Variants in UMAD1 observed in about 807,000 individuals in gnomAD.
The protein encoded by UMAD1 is UBAP1-MVB12-associated (UMA)-domain containing protein 1.
In UMAD1, 8 loss-of-function variants were observed where a neutral mutation model predicts 6.1. The observed-to-expected ratio is 1.30, with a 90% CI of 0.76 to 2.35. The LOEUF is 2.35. Ranked by LOEUF, UMAD1 falls within the 30% of genes most tolerant of loss-of-function variation. The pLI, the probability that UMAD1 is intolerant of heterozygous loss-of-function variation, is 0.00. For synonymous variants in UMAD1, 56 were observed against 31.4 expected, an observed-to-expected ratio of 1.78 and a Z score of -2.61; for missense variants, 130 against 78.4, an observed-to-expected ratio of 1.66 and a Z score of -2.49.
At chr7:7,805,728 C>G in intron 3 of UMAD1, among the ~76,000 whole-genome samples, 1 of 152,152 alleles carries the variant, frequency 6.6e-6, no homozygotes, top group East Asian at 1.9e-4. Context: ...AAGCCCTTTC[C>G]TATCTCAGGC....
At chr7:7,844,838 A>G (rs561736006) in intron 3 of UMAD1, among the ~76,000 whole-genome samples, 5 of 152,294 alleles carry the variant, frequency 3.3e-5, no homozygotes, top group Admixed American at 2.0e-4. Context: ...CCCTTAATTT[A>G]CTGTTTACAG....
At chr7:7,657,628 G>T (rs1785374649) in intron 1 of UMAD1, among the ~76,000 whole-genome samples, 1 of 152,060 alleles carries the variant, frequency 6.6e-6, no homozygotes. Flanking sequence ...TTGTAGATGT[G>T]TGGTATTATT....
At chr7:7,735,185 T>C (rs1193153549) in intron 2 of UMAD1, among the ~76,000 whole-genome samples, 2 of 152,182 alleles carry the variant, frequency 1.3e-5, no homozygotes, top group African/African-American at 4.8e-5. Context: ...AAAGTTGACA[T>C]TGGTAACACA....
chr7:7,861,231 A>C (rs1278355168), intron 3 of UMAD1, among the ~76,000 whole-genome samples: 1 of 152,226 alleles, frequency 6.6e-6, no homozygotes, highest in African/African-American at 2.4e-5. Flanking sequence ...AAAATGGTTA[A>C]GATGGTAAAT....
At chr7:7,658,742 T>C (rs1052489370) in intron 1 of UMAD1, among the ~76,000 whole-genome samples, 3 of 152,236 alleles carry the variant, frequency 2.0e-5, no homozygotes, top group African/African-American at 7.2e-5. Context: ...TTTGCATCGA[T>C]ATTCATCAGG....
intron 2 of UMAD1, among the ~76,000 whole-genome samples, chr7:7,714,492 A>G (rs895081887): frequency 6.6e-6 from 1 of 152,258 alleles, no homozygotes; most frequent in Non-Finnish European, 1.5e-5. Context: ...TGCTTTAGAA[A>G]TAATCTATAT....
At chr7:7,784,599 C>T (rs1013382860) in intron 2 of UMAD1, among the ~76,000 whole-genome samples, 9 of 151,814 alleles carry the variant, frequency 5.9e-5, no homozygotes, top group Non-Finnish European at 1.3e-4. Context: ...CCCTCCTCGG[C>T]GTCCCAGAGT....
intron 2 of UMAD1, among the ~76,000 whole-genome samples, chr7:7,694,312 A>T (rs1252116497): frequency 6.6e-6 from 1 of 152,184 alleles, no homozygotes; most frequent in Non-Finnish European, 1.5e-5. Context: ...ATACACATAT[A>T]ATAATCACAT....
At chr7:7,750,794 C>G (rs956037233) in intron 2 of UMAD1, among the ~76,000 whole-genome samples, 2 of 152,180 alleles carry the variant, frequency 1.3e-5, no homozygotes, top group Non-Finnish European at 2.9e-5. Context: ...GTCAGTTTGG[C>G]TGCAGAGTGC....
At chr7:7,644,759 T>A (rs2115544348) in intron 1 of UMAD1, among the ~76,000 whole-genome samples, 1 of 152,328 alleles carries the variant, frequency 6.6e-6, no homozygotes, top group South Asian at 2.1e-4. Flanking sequence ...TTATCATAAC[T>A]TTTGATGTCT....
chr7:7,683,989 C>T (rs1049035174), intron 2 of UMAD1, among the ~76,000 whole-genome samples: 5 of 152,122 alleles, frequency 3.3e-5, no homozygotes, highest in African/African-American at 9.7e-5. Flanking sequence ...GTTCCAAGAC[C>T]CCCGCTCATA....
intron 2 of UMAD1, 102 bp from the exon 3 acceptor site, chr7:7,801,568 G>T: frequency 3.2e-6 from 2 of 629,226 alleles, no homozygotes; most frequent in Non-Finnish European, 5.8e-6. Flanking sequence ...CTTCCATGAT[G>T]TGAAACATAT....
intron 2 of UMAD1, among the ~76,000 whole-genome samples, chr7:7,798,471 C>T (rs1397486219): frequency 1.3e-5 from 2 of 152,088 alleles, no homozygotes; most frequent in East Asian, 3.8e-4. Flanking sequence ...TTTGAAGGAG[C>T]AGAAGGAAGA....
chr7:7,875,056 G>A (rs980164983), intron 3 of UMAD1, among the ~76,000 whole-genome samples: 4 of 152,162 alleles, frequency 2.6e-5, no homozygotes, highest in Non-Finnish European at 5.9e-5. Flanking sequence ...TTACAGGCGT[G>A]AGCCACCGTG....
At chr7:7,814,466 C>T (rs972925876) in intron 3 of UMAD1, among the ~76,000 whole-genome samples, 2 of 152,048 alleles carry the variant, frequency 1.3e-5, no homozygotes, top group Non-Finnish European at 2.9e-5. Context: ...TATGCATCTG[C>T]TTGCTTTATT....
chr7:7,669,669 T>C (rs1294571619), intron 1 of UMAD1, among the ~76,000 whole-genome samples: 1 of 152,206 alleles, frequency 6.6e-6, no homozygotes, highest in Non-Finnish European at 1.5e-5. Context: ...CTAGGAAGCA[T>C]GTTCCCACAG....
intron 2 of UMAD1, among the ~76,000 whole-genome samples, chr7:7,753,606 A>G (rs574834283): frequency 4.6e-5 from 7 of 152,240 alleles, no homozygotes; most frequent in Non-Finnish European, 8.8e-5. Flanking sequence ...ACTGGGTGTC[A>G]TTCTTTCTTG....
At chr7:7,761,976 A>G (rs1781899523) in intron 2 of UMAD1, among the ~76,000 whole-genome samples, 2 of 152,080 alleles carry the variant, frequency 1.3e-5, no homozygotes, top group Non-Finnish European at 2.9e-5. Flanking sequence ...TGTTTGTTTA[A>G]TTGAATTGCA....
intron 3 of UMAD1, among the ~76,000 whole-genome samples, chr7:7,807,335 C>A (rs892604590): frequency 6.6e-6 from 1 of 151,956 alleles, no homozygotes; most frequent in Non-Finnish European, 1.5e-5. Context: ...AAATGAAATT[C>A]TTCATTAAGA....
Sources: allele counts gnomAD v4.1 joint callset (sites outside exome capture counted in the v4.1 genomes callset), GRCh38; gene constraint gnomAD v4.1.1; transcripts MANE v1.5; gene names NCBI Gene and HGNC (gene_info 2026-07-23, HGNC 2026-07-21).